SNRPN: variants seen among roughly 807,000 people sequenced by gnomAD.
The protein encoded by SNRPN is small nuclear ribonucleoprotein polypeptide N.
A neutral mutation model predicts 25.2 loss-of-function variants in SNRPN; 7 were observed. The observed-to-expected ratio is 0.28, with a 90% confidence interval of 0.16 to 0.52. The LOEUF (loss-of-function observed/expected upper bound fraction) is 0.52, where lower values mean the gene tolerates loss of function less well. Among genes scored for constraint, SNRPN ranks in the 20% least tolerant of loss-of-function variants. The pLI is 0.96. For missense variants in SNRPN, 196 were observed against 322.5 expected, an observed-to-expected ratio of 0.61 and a Z score of 3.00; for synonymous variants, 124 against 110.6, an observed-to-expected ratio of 1.12 and a Z score of -0.76.
intron 1 of SNRPN, among the ~76,000 whole-genome samples, chr15:24,862,573 G>C (rs867581232): frequency 3.3e-5 from 5 of 151,170 alleles, no homozygotes; most frequent in African/African-American, 1.2e-4. Flanking sequence ...CTGTGTTGCT[G>C]TTTGTCCACT....
intron 2 of SNRPN, among the ~76,000 whole-genome samples, chr15:24,831,599 T>A (rs1030426419): frequency 1.3e-5 from 2 of 151,980 alleles, no homozygotes; most frequent in African/African-American, 4.8e-5. Context: ...TGAAATTTTG[T>A]ACCCATTCAC....
At chr15:24,931,120 C>T (rs578040174) in intron 3 of SNRPN, among the ~76,000 whole-genome samples, 1 of 152,214 alleles carries the variant, frequency 6.6e-6, no homozygotes, top group East Asian at 1.9e-4. Context: ...TTACTACAAG[C>T]TAACTTTTAA....
chr15:24,898,829 A>G (rs988105848), intron 2 of SNRPN, among the ~76,000 whole-genome samples: 15 of 152,294 alleles, frequency 9.8e-5, no homozygotes, highest in Middle Eastern at 3.4e-3. Context: ...ACAAGTTAAG[A>G]GAGAAACTGG....
intron 3 of SNRPN, among the ~76,000 whole-genome samples, chr15:24,933,556 T>C (rs1033337240): frequency 6.6e-6 from 1 of 152,114 alleles, no homozygotes; most frequent in Non-Finnish European, 1.5e-5. Context: ...GGTGGGCGGA[T>C]CACCTGAGGT....
intron 3 of SNRPN, among the ~76,000 whole-genome samples, chr15:24,972,421 G>A (rs992165354): frequency 6.6e-6 from 1 of 151,836 alleles, no homozygotes; most frequent in Non-Finnish European, 1.5e-5. Flanking sequence ...TTTTGTGGAG[G>A]TCTTTGTTTG....
At chr15:24,854,123 T>C (rs1206890446), upstream of SNRPN, among the ~76,000 whole-genome samples, 3 of 152,206 alleles carry the variant, frequency 2.0e-5, no homozygotes, top group Non-Finnish European at 4.4e-5. Context: ...TGGAAGGTCT[T>C]TTAATTGGCT....
At chr15:24,938,553 G>A (rs920492448) in intron 3 of SNRPN, among the ~76,000 whole-genome samples, 1 of 152,158 alleles carries the variant, frequency 6.6e-6, no homozygotes, top group Non-Finnish European at 1.5e-5. Context: ...GGGATTACAT[G>A]TGTGAGCCAC....
intron 2 of SNRPN, chr15:24,851,130 C>T (rs1427970836): frequency 2.9e-5 from 1 of 34,836 alleles, no homozygotes; most frequent in Non-Finnish European, 9.6e-5. Context: ...GTTGCCCAGG[C>T]TGGTGGGGGG....
chr15:24,850,172 C>G (rs1388024811), intron 2 of SNRPN: 1 of 152,184 alleles, frequency 6.6e-6, no homozygotes, highest in African/African-American at 2.4e-5. Flanking sequence ...CAGAAGGTTG[C>G]AAAACAAGTG....
intron 2 of SNRPN, among the ~76,000 whole-genome samples, chr15:24,963,351 C>A (rs753516841): frequency 1.7e-4 from 26 of 152,138 alleles, no homozygotes; most frequent in Non-Finnish European, 3.5e-4. Flanking sequence ...GCATGGTGGC[C>A]CATGCCTGTA....
At chr15:24,954,818 G>A, upstream of SNRPN, 4 of 609,572 alleles carry the variant, frequency 6.6e-6, no homozygotes, top group Non-Finnish European at 1.2e-5. Flanking sequence ...GTGCTGTGGG[G>A]CCCTAGGGGT....
intron 2 of SNRPN, among the ~76,000 whole-genome samples, chr15:24,830,527 T>C (rs1048667657): frequency 2.0e-5 from 3 of 152,110 alleles, no homozygotes; most frequent in Non-Finnish European, 2.9e-5. Flanking sequence ...AATTTAGATG[T>C]TTGAATTTTG....
At chr15:24,926,532 C>A in intron 3 of SNRPN, among the ~76,000 whole-genome samples, 1 of 152,080 alleles carries the variant, frequency 6.6e-6, no homozygotes, top group East Asian at 1.9e-4. Context: ...TATATTCCTT[C>A]CAATTCAGAG....
chr15:24,955,027 C>G lies in SNRPN; in HGVS notation c.-426C>G, dbSNP rs781733715. The G allele has an allele frequency of 2.5e-6, 4 of 1,612,902 alleles. No individual in the cohort carries two copies. Among genetic ancestry groups the G allele is most frequent in the East Asian group, 2.2e-5 (1 of 44,878 alleles). On this transcript the variant is annotated 5_prime_UTR_variant, in exon 1 of 10. Coordinates refer to ENST00000390687, the MANE Select transcript of SNRPN (RefSeq NM_003097.6). Reference sequence around the variant, plus strand: ...CGCCGGAGATGCCTGACGCATCTGTCTGAGGAGCGGTCAGTGACGCGATGG... The same window carrying G: ...CGCCGGAGATGCCTGACGCATCTGTGTGAGGAGCGGTCAGTGACGCGATGG...
chr15:24,880,480 G>A lies in SNRPN; in HGVS notation c.-578-6036G>A, dbSNP rs761782561. ...ATTAAAATTCATCACCAATTTAGTAGTACTTCACAGTCCAGTGTTATTCCT... is the reference window on the plus strand; with the variant it reads ...ATTAAAATTCATCACCAATTTAGTAATACTTCACAGTCCAGTGTTATTCCT... On this transcript the variant is annotated intron_variant, in intron 1 of 11. Coordinates refer to the SNRPN transcript ENST00000400097. 2.0e-4 allele frequency among the ~76,000 whole-genome samples: 31 copies of A among 152,206 alleles called. 1 individual carries two copies. The highest frequency in any genetic ancestry group is 6.8e-3 in the Middle Eastern group (2 of 294).
chr15:24,909,521 G>A, intron 2 of SNRPN: 1 of 1,493,066 alleles, frequency 6.7e-7, no homozygotes, highest in South Asian at 1.1e-5. Context: ...CGGCAGGCCA[G>A]TACAATATGC....
intron 3 of SNRPN, among the ~76,000 whole-genome samples, chr15:24,969,043 C>T (rs1201927183): frequency 3.9e-5 from 6 of 152,138 alleles, no homozygotes; most frequent in Non-Finnish European, 1.5e-5. Context: ...TAAATTCCTT[C>T]TAGCCTTTTT....
intron 2 of SNRPN, among the ~76,000 whole-genome samples, chr15:24,837,730 A>ATT (rs147689924): frequency 0.037 from 5,138 of 139,004 alleles, 132 homozygotes; most frequent in Non-Finnish European, 0.05. Flanking sequence ...AACTCTTTAA[A>ATT]TTTTTTTTTT....
chr15:24,833,862 C>T (rs560509174), intron 2 of SNRPN, among the ~76,000 whole-genome samples: 1 of 152,196 alleles, frequency 6.6e-6, no homozygotes, highest in South Asian at 2.1e-4. Flanking sequence ...GACTCCCAGC[C>T]TCTTGATCTT....
Sources: allele counts gnomAD v4.1 joint callset (sites outside exome capture counted in the v4.1 genomes callset), GRCh38; gene constraint gnomAD v4.1.1; transcripts MANE v1.5; gene names NCBI Gene and HGNC (gene_info 2026-07-23, HGNC 2026-07-21).